The following KLHL32 variants were observed in gnomAD, a reference collection of about 807,000 sequenced individuals.
KLHL32 encodes the protein kelch-like protein 32.
Under a neutral mutation model 64.8 loss-of-function variants are expected in KLHL32, and 35 were observed. That is an observed-to-expected ratio of 0.54 (90% confidence interval 0.41 to 0.72). The LOEUF (loss-of-function observed/expected upper bound fraction) is 0.72. Ranked by LOEUF, KLHL32 falls within the 30% of genes least tolerant of loss-of-function variation. The pLI is 0.00. For missense variants in KLHL32, 589 were observed against 768.5 expected (o/e 0.77, Z 2.76); for synonymous variants, 259 against 281.0 (o/e 0.92, Z 0.78).
chr6:96,902,073 A>T, the KLHL32 span, among the ~76,000 whole-genome samples: 1 of 152,160 alleles, frequency 6.6e-6, no homozygotes, highest in Non-Finnish European at 1.5e-5. Flanking sequence ...TTAATAATAG[A>T]ACAATTTATA....
intron 3 of KLHL32, among the ~76,000 whole-genome samples, chr6:96,999,019 A>G: frequency 6.6e-6 from 1 of 152,218 alleles, no homozygotes. Context: ...GAAGATCCTA[A>G]GAAGAAAAAA....
chr6:97,117,257 C>A (rs1168623189), intron 7 of KLHL32, among the ~76,000 whole-genome samples: 1 of 152,168 alleles, frequency 6.6e-6, no homozygotes, highest in Non-Finnish European at 1.5e-5. Flanking sequence ...ATTCCTTATC[C>A]TTTACCAAGT....
chr6:97,096,843 G>A (rs991164200), intron 6 of KLHL32, among the ~76,000 whole-genome samples: 3 of 152,222 alleles, frequency 2.0e-5, no homozygotes, highest in African/African-American at 7.2e-5. Context: ...CAGTGAGACG[G>A]GGGGAAAACA....
At chr6:96,960,775 G>A (rs986465305) in intron 1 of KLHL32, among the ~76,000 whole-genome samples, 2 of 152,204 alleles carry the variant, frequency 1.3e-5, no homozygotes, top group Non-Finnish European at 2.9e-5. Context: ...ATGTACATTG[G>A]TTTGGTCCAG....
At chr6:97,084,479 C>G (rs1793086359) in intron 5 of KLHL32, among the ~76,000 whole-genome samples, 1 of 152,114 alleles carries the variant, frequency 6.6e-6, no homozygotes, top group Non-Finnish European at 1.5e-5. Flanking sequence ...AATGGAATGT[C>G]TGAGGCTGAG....
At chr6:97,130,631 T>C in intron 8 of KLHL32, 126 bp from the exon 9 acceptor site, 2 of 670,104 alleles carry the variant, frequency 3.0e-6, no homozygotes. Context: ...ATAAACAACA[T>C]TCAAACAGAA....
At chr6:96,947,273 A>G (rs575678887) in intron 1 of KLHL32, among the ~76,000 whole-genome samples, 3 of 152,220 alleles carry the variant, frequency 2.0e-5, no homozygotes, top group Non-Finnish European at 4.4e-5. Context: ...AACCTGTGTA[A>G]GCCTGAAGCT....
the KLHL32 span, among the ~76,000 whole-genome samples, chr6:96,898,677 C>T: frequency 6.6e-6 from 1 of 151,686 alleles, no homozygotes; most frequent in Non-Finnish European, 1.5e-5. Context: ...ATGAAAGGAA[C>T]AGACAATAAG....
At chr6:97,008,752 G>T (rs1273941589) in intron 3 of KLHL32, among the ~76,000 whole-genome samples, 2 of 152,106 alleles carry the variant, frequency 1.3e-5, no homozygotes, top group Non-Finnish European at 2.9e-5. Context: ...CCTGTGCAGG[G>T]TTCCTAGCAT....
chr6:96,914,083 G>A, the KLHL32 span, among the ~76,000 whole-genome samples: 1 of 152,110 alleles, frequency 6.6e-6, no homozygotes, highest in Non-Finnish European at 1.5e-5. Context: ...AATGATCCTG[G>A]CTTTGAAGAA....
chr6:96,953,975 T>C (rs968534025), intron 1 of KLHL32, among the ~76,000 whole-genome samples: 4 of 152,116 alleles, frequency 2.6e-5, no homozygotes, highest in African/African-American at 9.7e-5. Flanking sequence ...GGTCAAAGTC[T>C]CTCTGGATCT....
At chr6:96,955,832 G>C (rs1245143521) in intron 1 of KLHL32, among the ~76,000 whole-genome samples, 3 of 152,264 alleles carry the variant, frequency 2.0e-5, no homozygotes, top group East Asian at 3.9e-4. Flanking sequence ...AGCTACTCAG[G>C]AGGCTGAGGC....
At chr6:96,932,911 A>G (rs1216444201) in intron 1 of KLHL32, among the ~76,000 whole-genome samples, 1 of 152,120 alleles carries the variant, frequency 6.6e-6, no homozygotes, top group Non-Finnish European at 1.5e-5. Flanking sequence ...TGCTGTTTTT[A>G]TCAATGTTAG....
rs544767025 is a variant in KLHL32, at chr6:96,994,025, T to G, written c.204+17848T>G. On this transcript the variant is annotated intron_variant, in intron 3 of 10. Coordinates refer to ENST00000369261, the MANE Select transcript of KLHL32 (RefSeq NM_052904.4). ...CAGGATTGTAAACAAACCTACCCCTTGCTCTGGAGGGAGATACTACTCTGT... is the reference window on the plus strand; with the variant it reads ...CAGGATTGTAAACAAACCTACCCCTGGCTCTGGAGGGAGATACTACTCTGT... Among the ~76,000 whole-genome samples, 143 of 152,306 alleles carry G rather than the reference T, an allele frequency of 9.4e-4. 2 individuals are homozygous for G. Among genetic ancestry groups the G allele is most frequent in the African/African-American group, 3.3e-3 (136 of 41,560 alleles).
At chr6:97,000,792 C>T (rs192481130) in intron 3 of KLHL32, among the ~76,000 whole-genome samples, 7 of 152,212 alleles carry the variant, frequency 4.6e-5, no homozygotes, top group Non-Finnish European at 1.0e-4. Flanking sequence ...GAAGATGTTA[C>T]TCAGTAGGTG....
chr6:97,002,578 C>A (rs1293860643), intron 3 of KLHL32, among the ~76,000 whole-genome samples: 1 of 152,070 alleles, frequency 6.6e-6, no homozygotes, highest in Non-Finnish European at 1.5e-5. Context: ...TTACTCAGGT[C>A]CTAAGCGTAG....
chr6:97,131,511 C>T (rs1799441286), intron 9 of KLHL32, among the ~76,000 whole-genome samples: 1 of 152,122 alleles, frequency 6.6e-6, no homozygotes, highest in Non-Finnish European at 1.5e-5. Context: ...AGGTATGGAC[C>T]TTCCTCATCC....
At chr6:96,915,512 T>G in the KLHL32 span, among the ~76,000 whole-genome samples, 1 of 152,134 alleles carries the variant, frequency 6.6e-6, no homozygotes, top group Non-Finnish European at 1.5e-5. Flanking sequence ...TCTTTGTGAT[T>G]CCCTCCTCAA....
intron 7 of KLHL32, 21 bp downstream of exon 7, chr6:97,114,530 G>A (rs1410895573): frequency 6.2e-7 from 1 of 1,611,314 alleles, no homozygotes; most frequent in East Asian, 2.2e-5. Flanking sequence ...CCTCATGTTG[G>A]ATTTATCAAA....
Sources: allele counts gnomAD v4.1 joint callset (sites outside exome capture counted in the v4.1 genomes callset), GRCh38; gene constraint gnomAD v4.1.1; transcripts MANE v1.5; gene names NCBI Gene and HGNC (gene_info 2026-07-23, HGNC 2026-07-21).